ACTG2: variants seen among roughly 807,000 people sequenced by gnomAD.
The protein encoded by ACTG2 is actin, gamma-enteric smooth muscle.
In ACTG2, 16 loss-of-function variants were observed where a neutral mutation model predicts 37.6. That is an observed-to-expected ratio of 0.43 (90% CI 0.29 to 0.65). The LOEUF (loss-of-function observed/expected upper bound fraction) is 0.65. Ranked by LOEUF, ACTG2 falls within the 30% of genes least tolerant of loss-of-function variation. ACTG2 has a pLI of 0.18. For missense variants in ACTG2, 238 were observed against 490.9 expected, an observed-to-expected ratio of 0.48 and a Z score of 4.87; for synonymous variants, 181 against 179.9, an observed-to-expected ratio of 1.01 and a Z score of -0.05.
In ACTG2 at chr2:73,900,159, G is replaced by A. The variant is rs145153398; in HGVS notation, c.-36-1117G>A. ...GCACATCCTGGATAAAACTTCAGCC[G>A]GCCTTCTCTTTATGTGCCTGGCGCC... On this transcript the variant is annotated intron_variant, in intron 1 of 8. Coordinates refer to ENST00000345517, the MANE Select transcript of ACTG2 (RefSeq NM_001615.4). Among the ~76,000 whole-genome samples, 312 of 152,280 alleles carry A rather than the reference G, an allele frequency of 2.0e-3. 2 individuals are homozygous for A. The highest frequency in any genetic ancestry group is 6.9e-3 in the African/African-American group (288 of 41,554).
chr2:73,916,101 G>C (rs979612565), intron 7 of ACTG2, among the ~76,000 whole-genome samples: 1 of 152,118 alleles, frequency 6.6e-6, no homozygotes, highest in African/African-American at 2.4e-5. Context: ...GATCAGGCCG[G>C]GTGTAATACC....
intron 1 of ACTG2, among the ~76,000 whole-genome samples, chr2:73,896,039 G>T (rs1333981420): frequency 6.6e-6 from 1 of 152,016 alleles, no homozygotes; most frequent in Non-Finnish European, 1.5e-5. Context: ...TTTCTCAACC[G>T]TTTGAAAATG....
At chr2:73,899,447 G>A (rs1468996392) in intron 1 of ACTG2, among the ~76,000 whole-genome samples, 2 of 151,900 alleles carry the variant, frequency 1.3e-5, no homozygotes, top group African/African-American at 4.8e-5. Context: ...GGGTGACAGA[G>A]CAAGACCCCA....
chr2:73,894,949 C>T (rs1558619389), intron 1 of ACTG2, among the ~76,000 whole-genome samples: 1 of 152,152 alleles, frequency 6.6e-6, no homozygotes, highest in Non-Finnish European at 1.5e-5. Context: ...GCTTTGGCAG[C>T]TGTGAGGAGA....
intron 5 of ACTG2, among the ~76,000 whole-genome samples, chr2:73,911,151 C>A (rs2104818262): frequency 6.6e-6 from 1 of 152,222 alleles, no homozygotes; most frequent in South Asian, 2.1e-4. Context: ...TTACAGTCAA[C>A]TTTTTATTTA....
At position 73,916,742 on chromosome 2, in the gene ACTG2, G is replaced by A. The variant is rs1305935686; in HGVS notation, c.964G>A (p.Ala322Thr). 4 of 1,613,788 alleles carry A rather than the reference G, an allele frequency of 2.5e-6. No individual in the cohort carries two copies. Among genetic ancestry groups the A allele is most frequent in the Non-Finnish European group, 3.4e-6 (4 of 1,179,926 alleles). The change falls in exon 8 of 9, where the codon GCC becomes ACC. Residue 322 changes from alanine (A) to threonine (T), a missense_variant. Physicochemically the swap from Ala to Thr is moderately conservative, Grantham distance 58 (BLOSUM62 0). Coordinates refer to ENST00000345517, the MANE Select transcript of ACTG2 (RefSeq NM_001615.4). ...DRMQKEITAL[A>T]PSTMKIKIIA... ...GATGCAGAAGGAGATCACAGCCCTG[G>A]CCCCCAGCACCATGAAGATCAAGGT...
chr2:73,902,245 G>A, intron 2 of ACTG2, 115 bp from the exon 3 acceptor site: 1 of 1,256,430 alleles, frequency 8.0e-7, no homozygotes, highest in South Asian at 1.5e-5. Context: ...TGTTTCTGGG[G>A]GAAGAAAGGC....
intron 5 of ACTG2, among the ~76,000 whole-genome samples, chr2:73,910,749 C>T (rs939054961): frequency 6.6e-6 from 1 of 151,816 alleles, no homozygotes; most frequent in Non-Finnish European, 1.5e-5. Context: ...CCATTCTCCT[C>T]TCCAGATCCA....
At chr2:73,918,305 A>T (rs1440748867) in intron 8 of ACTG2, among the ~76,000 whole-genome samples, 1 of 152,186 alleles carries the variant, frequency 6.6e-6, no homozygotes, top group African/African-American at 2.4e-5. Context: ...CACCAACCTA[A>T]GAGAAGCCAG....
chr2:73,903,943 A>G (rs78460899), intron 3 of ACTG2, among the ~76,000 whole-genome samples: 1,434 of 92,108 alleles, frequency 0.016, 36 homozygotes, highest in African/African-American at 0.059. Context: ...CCGTCTCAAA[A>G]AAAAAAAAAA....
At chr2:73,907,213 C>G (rs1010737308) in intron 3 of ACTG2, among the ~76,000 whole-genome samples, 1 of 152,090 alleles carries the variant, frequency 6.6e-6, no homozygotes, top group African/African-American at 2.4e-5. Flanking sequence ...CGTCTCTCTC[C>G]CCTCTGGACT....
intron 7 of ACTG2, among the ~76,000 whole-genome samples, chr2:73,915,924 G>T (rs921637695): frequency 1.3e-5 from 2 of 151,916 alleles, no homozygotes; most frequent in African/African-American, 4.8e-5. Context: ...TAGGTATGGG[G>T]GTCTCTTTTG....
intron 3 of ACTG2, 38 bp from the exon 4 acceptor site, chr2:73,908,632 TTGG>T: frequency 6.6e-7 from 1 of 1,508,186 alleles, no homozygotes. Flanking sequence ...TTTCCAGCCA[TTGG>T]GAGTCTGCCA....
chr2:73,918,564 C>A (rs1049403963), intron 8 of ACTG2, among the ~76,000 whole-genome samples: 2 of 152,310 alleles, frequency 1.3e-5, no homozygotes, highest in East Asian at 1.9e-4. Context: ...GCACTGAATT[C>A]TTAGACCCTT....
chr2:73,909,316 G>C (rs1273824854), intron 5 of ACTG2, among the ~76,000 whole-genome samples, 177 bp downstream of exon 5: 1 of 152,168 alleles, frequency 6.6e-6, no homozygotes, highest in Admixed American at 6.5e-5. Context: ...AGCCTAGCTG[G>C]TATAGTTGGA....
chr2:73,912,723 A>G (rs73950310), intron 5 of ACTG2, among the ~76,000 whole-genome samples: 3,515 of 152,258 alleles, frequency 0.023, 132 homozygotes, highest in African/African-American at 0.08. Flanking sequence ...GTATAAAACC[A>G]CATTATCTGC....
At position 73,894,965 on chromosome 2, in the gene ACTG2, C is replaced by G. The variant is rs368145838; in HGVS notation, c.-37+1914C>G. On this transcript the variant is annotated intron_variant, in intron 1 of 8. Transcript: ENST00000345517. ...CTTTGGCAGCTGTGAGGAGAGTGGACTGGAACAGGGCAAGAGCGCTACTGC... is the reference window on the plus strand; with the variant it reads ...CTTTGGCAGCTGTGAGGAGAGTGGAGTGGAACAGGGCAAGAGCGCTACTGC... Among the ~76,000 whole-genome samples, 12 of 152,256 alleles carry G rather than the reference C, an allele frequency of 7.9e-5. No individual in the cohort carries two copies. The East Asian group carries it at 2.3e-3, about 29-fold the overall frequency.
intron 3 of ACTG2, among the ~76,000 whole-genome samples, chr2:73,907,070 C>T (rs1465298993): frequency 1.3e-5 from 2 of 152,246 alleles, no homozygotes; most frequent in African/African-American, 4.8e-5. Context: ...ATGCCTTTTG[C>T]AGCAGCCTCT....
chr2:73,896,960 T>C lies in ACTG2; in HGVS notation c.-37+3909T>C, dbSNP rs551969927. Reference sequence around the variant, plus strand: ...GAAAGCAGCTGAGGAAAGTTTAGAATTTCTCCTGGCAGAGATGGTCCACGA... The same window carrying C: ...GAAAGCAGCTGAGGAAAGTTTAGAACTTCTCCTGGCAGAGATGGTCCACGA... On this transcript the variant is annotated intron_variant, in intron 1 of 8. Coordinates refer to ENST00000345517, the MANE Select transcript of ACTG2 (RefSeq NM_001615.4). 4 of 152,412 alleles carry C rather than the reference T, an allele frequency of 2.6e-5. No individual in the cohort carries two copies. In the East Asian group the frequency reaches 7.7e-4, roughly 29 times the overall value. 9.4% of individuals were successfully genotyped at this position (152,412 alleles called of 1,614,324 possible). A position where few individuals can be genotyped will look rare whatever the true frequency, so the allele number is the denominator to read the frequency against.
Sources: gnomAD v4.1 joint callset for allele counts (sites outside exome capture counted in the v4.1 genomes callset) on GRCh38, gnomAD v4.1.1 for gene constraint, MANE v1.5 for transcripts, NCBI Gene and HGNC (gene_info 2026-07-23, HGNC 2026-07-21) for gene names.